Variants in ITGB7 observed in about 807,000 individuals in gnomAD.
The protein encoded by ITGB7 is integrin beta-7.
Under a neutral mutation model 83.4 loss-of-function variants are expected in ITGB7, and 55 were observed. That is an observed-to-expected ratio of 0.66 (90% confidence interval 0.53 to 0.83). The LOEUF (loss-of-function observed/expected upper bound fraction) is 0.83, where lower values mean the gene tolerates loss of function less well. ITGB7 is among the 40% of genes least tolerant of loss of function. The pLI, the probability that ITGB7 is intolerant of heterozygous loss-of-function variation, is 0.00. For synonymous variants in ITGB7, 454 were observed against 423.6 expected (o/e 1.07, Z -0.88); for missense variants, 921 against 1,046.7 (o/e 0.88, Z 1.66).
intron 12 of ITGB7, 93 bp downstream of exon 12, chr12:53,193,047 T>C: frequency 7.2e-7 from 1 of 1,392,524 alleles, no homozygotes. Context: ...CGGAATCTTT[T>C]GATATTTGCC....
chr12:53,200,514 A>G, intron 2 of ITGB7, 68 bp from the exon 3 acceptor site: 2 of 1,358,098 alleles, frequency 1.5e-6, no homozygotes, highest in Admixed American at 1.8e-5. Context: ...AGTCCTCTAA[A>G]CTTAGCTTGT....
chr12:53,194,162 C>T (rs991207856), intron 10 of ITGB7, 36 bp downstream of exon 10: 4 of 1,612,716 alleles, frequency 2.5e-6, no homozygotes, highest in Non-Finnish European at 3.4e-6. Context: ...CCCACCTCCC[C>T]CTGCCCGCCT....
chr12:53,193,664 G>A (rs745847493), intron 11 of ITGB7, 44 bp downstream of exon 11: 1 of 1,536,804 alleles, frequency 6.5e-7, no homozygotes, highest in Non-Finnish European at 8.9e-7. Context: ...AGGGTTGGTT[G>A]GTTGTTGGGA....
chr12:53,205,892 G>A (rs1285057702), intron 1 of ITGB7, among the ~76,000 whole-genome samples: 2 of 152,080 alleles, frequency 1.3e-5, no homozygotes, highest in Non-Finnish European at 2.9e-5. Context: ...CCACCCCTCG[G>A]GGAGAGGCCA....
At chr12:53,198,912 A>G (rs1942255170) in intron 3 of ITGB7, among the ~76,000 whole-genome samples, 1 of 152,222 alleles carries the variant, frequency 6.6e-6, no homozygotes, top group Non-Finnish European at 1.5e-5. Context: ...GCGGCTTCTC[A>G]GCTGGCCCTA....
Position 53,191,417 on chromosome 12 carries a change from A to C in ITGB7, c.*139T>G. 1.4e-6 allele frequency: 1 copy of C among 720,766 alleles called. No homozygotes were observed. The highest frequency in any genetic ancestry group is 2.5e-6 in the Non-Finnish European group (1 of 404,114). 44.6% of individuals were successfully genotyped at this position (720,766 alleles called of 1,614,324 possible). A position where few individuals can be genotyped will look rare whatever the true frequency, so the allele number is the denominator to read the frequency against. On this transcript the variant is annotated 3_prime_UTR_variant, in exon 16 of 16. Transcript: ENST00000267082. ...AGCAGCCCTCTTGGGTGTCACTCTG[A>C]AAATGAAGTAGGGTGGTGGCCGCAC...
rs1049455951 is a variant in ITGB7 at position 53,196,148 on chromosome 12, C to T, written c.868G>A (p.Asp290Asn). 4 of 1,614,146 alleles carry T rather than the reference C, an allele frequency of 2.5e-6. No individual in the cohort carries two copies. Among genetic ancestry groups the T allele is most frequent in the Non-Finnish European group, 3.4e-6 (4 of 1,180,006 alleles). Residue 290 changes from aspartate to asparagine, a missense_variant, in exon 7 of 16, where the codon GAC becomes AAC. Transcript: ENST00000267082. ...VSRLLVFTSD[D>N]TFHTAGDGKL... Reference sequence around the variant, plus strand: ...CCGTCCCCAGCTGTATGGAATGTGTCGTCTGAAGTGAACACCAGCAGCCGG... The same window carrying T: ...CCGTCCCCAGCTGTATGGAATGTGTTGTCTGAAGTGAACACCAGCAGCCGG...
In ITGB7 at chr12:53,200,334, G is replaced by C. The variant is rs774134093; in HGVS notation, c.110C>G (p.Pro37Arg). The stretch of plus-strand genomic sequence containing the variant: ...GCAGGACCCCAGCATGGACAGGTGA[G>C]GATTCCGCCATTCTGTGGCATCCCC... ...STGDATEWRN[P>R]HLSMLGSCQP... Residue 37 changes from proline to arginine, a missense_variant, in exon 3 of 16, where the codon CCT (proline) becomes CGT (arginine). Transcript: ENST00000267082. The C allele has an allele frequency of 6.2e-7, 1 of 1,614,210 alleles. No homozygotes were observed.
intron 3 of ITGB7, among the ~76,000 whole-genome samples, chr12:53,199,073 C>T (rs1188864560): frequency 6.6e-6 from 1 of 152,176 alleles, no homozygotes; most frequent in Non-Finnish European, 1.5e-5. Context: ...TGCCTTTCTC[C>T]TGGGTCCCTG....
chr12:53,191,439 G>A lies in ITGB7; in HGVS notation c.*117C>T, dbSNP rs937970313. The A allele has an allele frequency of 2.2e-5, 18 of 814,246 alleles. No individual in the cohort carries two copies. The highest frequency in any genetic ancestry group is 1.7e-4 in the African/African-American group (10 of 59,550). 50.4% of individuals were successfully genotyped at this position (814,246 alleles called of 1,614,324 possible). A position where few individuals can be genotyped will look rare whatever the true frequency, so the allele number is the denominator to read the frequency against. ...CTGAAAATGAAGTAGGGTGGTGGCCGCACCTCGCCAGTGAATTAGTCCCCT... is the reference window on the plus strand; with the variant it reads ...CTGAAAATGAAGTAGGGTGGTGGCCACACCTCGCCAGTGAATTAGTCCCCT... On this transcript the variant is annotated 3_prime_UTR_variant, in exon 16 of 16. Transcript: ENST00000267082.
chr12:53,195,744 G>C (rs755203693), intron 7 of ITGB7, 23 bp from the exon 8 acceptor site: 1 of 1,581,228 alleles, frequency 6.3e-7, no homozygotes, highest in Admixed American at 1.7e-5. Context: ...GCAGGGACAA[G>C]GTGAGCCCCA....
intron 14 of ITGB7, 27 bp from the exon 15 acceptor site, chr12:53,192,046 G>T (rs1941972918): frequency 1.2e-6 from 2 of 1,605,846 alleles, no homozygotes; most frequent in Non-Finnish European, 1.7e-6. Flanking sequence ...AGACACACTT[G>T]TGGGAGCTGG....
At position 53,205,813 on chromosome 12, in the gene ITGB7, T is replaced by C. The variant is rs111955308; in HGVS notation, c.-127+1389A>G. Among the ~76,000 whole-genome samples the C allele has an allele frequency of 2.1e-3, 327 of 152,214 alleles. 2 individuals are homozygous for C. Among genetic ancestry groups the C allele is most frequent in the African/African-American group, 7.5e-3 (313 of 41,532 alleles). On this transcript the variant is annotated intron_variant, in intron 1 of 15. Coordinates refer to ENST00000267082, the MANE Select transcript of ITGB7 (RefSeq NM_000889.3). ...AGAGTGTGGGAAAGGGGTGGGGTGT[T>C]GAGTCCTTGAATGTCCTGGTCCTGC...
In ITGB7 at chr12:53,197,739, C is replaced by T. The variant is rs1942214292; in HGVS notation, c.403+11G>A. On this transcript the variant is annotated intron_variant, in intron 4 of 15. Coordinates refer to ENST00000267082, the MANE Select transcript of ITGB7 (RefSeq NM_000889.3). ...TAGACCTCTGGCCTGGCCCCGCCTC[C>T]CCTAACTCACCAGGCCGCAGCGTGA... is the stretch of plus-strand genomic sequence containing the variant. The T allele has an allele frequency of 3.8e-6, 6 of 1,584,182 alleles. No individual in the cohort carries two copies. Among genetic ancestry groups the T allele is most frequent in the Non-Finnish European group, 5.1e-6 (6 of 1,166,306 alleles).
intron 3 of ITGB7, among the ~76,000 whole-genome samples, chr12:53,199,891 C>A (rs1399598563): frequency 6.6e-6 from 1 of 152,174 alleles, no homozygotes; most frequent in Non-Finnish European, 1.5e-5. Flanking sequence ...TAGTACCTTT[C>A]TCCCATGTTT....
chr12:53,195,182 C>T, intron 9 of ITGB7, 192 bp downstream of exon 9: 1 of 595,800 alleles, frequency 1.7e-6, no homozygotes, highest in Non-Finnish European at 3.0e-6. Flanking sequence ...GTCTGCATGT[C>T]AGATGTTTTA....
intron 1 of ITGB7, among the ~76,000 whole-genome samples, chr12:53,205,883 C>T (rs1942431591): frequency 6.6e-6 from 1 of 152,146 alleles, no homozygotes; most frequent in Admixed American, 6.5e-5. Flanking sequence ...ACGGAGCCTC[C>T]ACCCCTCGGG....
Position 53,194,317 on chromosome 12 carries a change from G to A in ITGB7, c.1189C>T (p.His397Tyr). Reference protein sequence around the residue: ...NSLSSTVTLEHSSLPPGVHIS... With the variant: ...NSLSSTVTLEYSSLPPGVHIS... ...TGGACCCCAGGAGGGAGTGAAGAGT[G>A]TTCAAGGGTCACGGTGGAAGACAGG... Residue 397 changes from histidine to tyrosine, a missense_variant, in exon 10 of 16, where the codon CAC becomes TAC. Coordinates refer to ENST00000267082, the MANE Select transcript of ITGB7 (RefSeq NM_000889.3). 6.2e-7 allele frequency: 1 copy of A among 1,614,052 alleles called. No homozygotes were observed. Among genetic ancestry groups the A allele is most frequent in the Non-Finnish European group, 8.5e-7 (1 of 1,179,982 alleles).
At chr12:53,204,838 T>C (rs1361765630) in intron 1 of ITGB7, among the ~76,000 whole-genome samples, 2 of 147,164 alleles carry the variant, frequency 1.4e-5, no homozygotes, top group Non-Finnish European at 3.0e-5. Context: ...TTTACCTTTT[T>C]TTTTTTTTTT....
Sources: allele counts gnomAD v4.1 joint callset (sites outside exome capture counted in the v4.1 genomes callset), GRCh38; gene constraint gnomAD v4.1.1; transcripts MANE v1.5; gene names NCBI Gene and HGNC (gene_info 2026-07-23, HGNC 2026-07-21).